The following ITGB3 variants were observed in gnomAD, a reference collection of about 807,000 sequenced individuals.
The protein encoded by ITGB3 is integrin subunit beta 3, also known as integrin beta-3.
Under a neutral mutation model 85.8 loss-of-function variants are expected in ITGB3, and 48 were observed. The observed-to-expected ratio is 0.56, with a 90% CI of 0.44 to 0.71. The LOEUF is 0.71. ITGB3 is among the 30% of genes least tolerant of loss of function. The pLI is 0.00. For missense variants in ITGB3, 861 were observed against 1,019.1 expected (o/e 0.84, Z 2.11); for synonymous variants, 363 against 395.6 (o/e 0.92, Z 0.98).
chr17:47,289,493 A>G (rs997178236), intron 6 of ITGB3, among the ~76,000 whole-genome samples, 188 bp from the exon 7 acceptor site: 1 of 152,040 alleles, frequency 6.6e-6, no homozygotes, highest in Admixed American at 6.6e-5. Flanking sequence ...TGGCAAATAA[A>G]AAAAATTTTT....
At chr17:47,260,068 GTTT>G (rs1476075639) in intron 1 of ITGB3, among the ~76,000 whole-genome samples, 1 of 137,446 alleles carries the variant, frequency 7.3e-6, no homozygotes, top group African/African-American at 2.6e-5. Context: ...TCGCATTTAT[GTTT>G]ATTTGTGTGT....
rs1426234067 is a variant in ITGB3 at position 47,313,309 on chromosome 17, T to G, written c.*3105T>G. Among the ~76,000 whole-genome samples the G allele has an allele frequency of 5.3e-5, 8 of 151,800 alleles. No individual in the cohort carries two copies. The highest frequency in any genetic ancestry group is 1.9e-4 in the African/African-American group (8 of 41,344). On this transcript the variant is annotated 3_prime_UTR_variant, in exon 15 of 15. Coordinates refer to ENST00000559488, the MANE Select transcript of ITGB3 (RefSeq NM_000212.3). The stretch of plus-strand genomic sequence containing the variant: ...GATTTTAATGGGGTCCAAAGGCCTC[T>G]TTTTCTTTGTTAAGTATTCCTGGTT...
At position 47,284,503 on chromosome 17, in the gene ITGB3, A is replaced by G. The variant is rs1739770567; in HGVS notation, c.422A>G (p.Tyr141Cys). The change falls in exon 4 of 15, where the codon TAC becomes TGC. Residue 141 changes from tyrosine (Y) to cysteine (C), a missense_variant. Physicochemically the swap from Tyr to Cys is radical, Grantham distance 194. Coordinates refer to ENST00000559488, the MANE Select transcript of ITGB3 (RefSeq NM_000212.3). ...GTGGAGGATTACCCTGTGGACATCT[A>G]CTACTTGATGGACCTGTCTTACTCC... ...RQVEDYPVDI[Y>C]YLMDLSYSMK... 6 of 1,614,050 alleles carry G rather than the reference A, an allele frequency of 3.7e-6. No homozygotes were observed. In the South Asian group the frequency reaches 5.5e-5, roughly 15 times the overall value.
At chr17:47,274,046 G>T (rs563537940) in intron 1 of ITGB3, among the ~76,000 whole-genome samples, 4 of 152,286 alleles carry the variant, frequency 2.6e-5, no homozygotes, top group Admixed American at 2.6e-4. Context: ...CTGAAGAGGG[G>T]ATACATTGCC....
chr17:47,284,043 T>C (rs994384152), intron 3 of ITGB3, among the ~76,000 whole-genome samples: 2 of 152,178 alleles, frequency 1.3e-5, no homozygotes, highest in African/African-American at 4.8e-5. Context: ...ATTTTGACTT[T>C]CCAACTAAGT....
intron 2 of ITGB3, among the ~76,000 whole-genome samples, chr17:47,281,950 ATTTTG>A (rs1284469457): frequency 2.0e-5 from 3 of 151,990 alleles, no homozygotes; most frequent in Admixed American, 2.0e-4. Flanking sequence ...CATCTTAACC[ATTTTG>A]TTTTGTTTTG....
chr17:47,290,421 C>T, intron 8 of ITGB3, 147 bp downstream of exon 8: 1 of 758,930 alleles, frequency 1.3e-6, no homozygotes, highest in Non-Finnish European at 2.4e-6. Context: ...AGGCAATGGC[C>T]CGCTCTAGAA....
At chr17:47,259,809 G>A (rs1567758431) in intron 1 of ITGB3, among the ~76,000 whole-genome samples, 1 of 152,190 alleles carries the variant, frequency 6.6e-6, no homozygotes, top group African/African-American at 2.4e-5. Context: ...TGAGGCAGGA[G>A]AATCGCTTGA....
intron 13 of ITGB3, among the ~76,000 whole-genome samples, chr17:47,306,806 A>C (rs932786873): frequency 6.6e-6 from 1 of 151,818 alleles, no homozygotes; most frequent in African/African-American, 2.4e-5. Flanking sequence ...CAGCCTCCCA[A>C]GTAGCTGGGA....
chr17:47,254,503 A>T (rs1397243884), intron 1 of ITGB3, among the ~76,000 whole-genome samples: 1 of 151,934 alleles, frequency 6.6e-6, no homozygotes, highest in African/African-American at 2.4e-5. Flanking sequence ...TTTACCTTCA[A>T]CTTGGCTTCC....
chr17:47,284,507 C>T lies in ITGB3; in HGVS notation c.426C>T (p.Tyr142=). 1 of 1,614,160 alleles carries T rather than the reference C, an allele frequency of 6.2e-7. No homozygotes were observed. The highest frequency in any genetic ancestry group is 1.7e-5 in the Admixed American group (1 of 60,020). Residue 142 remains tyrosine, a synonymous_variant, in exon 4 of 15, where the codon TAC becomes TAT. Coordinates refer to ENST00000559488, the MANE Select transcript of ITGB3 (RefSeq NM_000212.3). ...QVEDYPVDIY[Y]LMDLSYSMKD... The stretch of plus-strand genomic sequence containing the variant: ...AGGATTACCCTGTGGACATCTACTA[C>T]TTGATGGACCTGTCTTACTCCATGA...
intron 10 of ITGB3, among the ~76,000 whole-genome samples, chr17:47,296,384 C>T (rs528455770): frequency 6.6e-6 from 1 of 152,174 alleles, no homozygotes; most frequent in Non-Finnish European, 1.5e-5. Context: ...CAGGCTCTTG[C>T]CATCATGCCC....
Position 47,284,662 on chromosome 17 carries a change from C to T in ITGB3, c.581C>T (p.Ser194Phe). 1 of 1,614,130 alleles carries T rather than the reference C, an allele frequency of 6.2e-7. No individual in the cohort carries two copies. Among genetic ancestry groups the T allele is most frequent in the Admixed American group, 1.7e-5 (1 of 60,020 alleles). Residue 194 changes from serine to phenylalanine, a missense_variant, in exon 4 of 15, where the codon TCC (serine) becomes TTC (phenylalanine). Ser to Phe is a radical substitution (Grantham distance 155). Transcript: ENST00000559488. ...CCTGTGTCACCATACATGTATATCT[C>T]CCCACCAGAGGCCCTCGAAAACCCC... ...DKPVSPYMYI[S>F]PPEALENPCY...
At chr17:47,296,065 C>T (rs537607190) in intron 10 of ITGB3, among the ~76,000 whole-genome samples, 1 of 152,344 alleles carries the variant, frequency 6.6e-6, no homozygotes, top group East Asian at 1.9e-4. Context: ...TCCTGTTTCC[C>T]TCCCTCCTCT....
rs2065217367 is a variant in ITGB3 at position 47,312,089 on chromosome 17, C to CAT, written c.*1888_*1889dup. 6.6e-6 allele frequency among the ~76,000 whole-genome samples: 1 copy of CAT among 152,200 alleles called. No homozygotes were observed. The highest frequency in any genetic ancestry group is 2.4e-5 in the African/African-American group (1 of 41,448). ...GCTTTGGCAAGAGCAGATGTCATTC[C>CAT]ATATCACCTTTCTCAATGAAAGTCT... is the stretch of plus-strand genomic sequence containing the variant. On this transcript the variant is annotated 3_prime_UTR_variant, in exon 15 of 15. Transcript: ENST00000559488.
At chr17:47,297,010 C>A (rs1288765693) in intron 10 of ITGB3, among the ~76,000 whole-genome samples, 1 of 152,174 alleles carries the variant, frequency 6.6e-6, no homozygotes, top group Non-Finnish European at 1.5e-5. Flanking sequence ...TGAGATCAAG[C>A]CTAGTTACTG....
chr17:47,297,592 G>T (rs2065150491), intron 10 of ITGB3, among the ~76,000 whole-genome samples: 1 of 151,942 alleles, frequency 6.6e-6, no homozygotes, highest in Non-Finnish European at 1.5e-5. Context: ...GGAGGTGGGG[G>T]TTTACAGTGA....
At chr17:47,286,531 C>A in intron 5 of ITGB3, 109 bp downstream of exon 5, 1 of 1,327,618 alleles carries the variant, frequency 7.5e-7, no homozygotes, top group Non-Finnish European at 1.1e-6. Flanking sequence ...GAGAACTAAG[C>A]AGGGCTTCCT....
chr17:47,308,426 C>T (rs2065198565), intron 14 of ITGB3, among the ~76,000 whole-genome samples: 1 of 152,090 alleles, frequency 6.6e-6, no homozygotes, highest in Admixed American at 6.6e-5. Context: ...GAGCTTTATA[C>T]TCAAGGGTCC....
Sources: allele counts gnomAD v4.1 joint callset (sites outside exome capture counted in the v4.1 genomes callset), GRCh38; gene constraint gnomAD v4.1.1; transcripts MANE v1.5; gene names NCBI Gene and HGNC (gene_info 2026-07-23, HGNC 2026-07-21).